The following LMCD1 variants were observed in gnomAD, a reference collection of about 807,000 sequenced individuals.
LMCD1 encodes LIM and cysteine-rich domains protein 1.
LMCD1 carries 32 observed loss-of-function variants against 42.7 expected under a neutral mutation model. The ratio of observed to expected loss-of-function variants is 0.75; its 90% CI spans 0.57 to 1.01. LMCD1 has a LOEUF of 1.01. Ranked by LOEUF, LMCD1 falls within the 50% of genes least tolerant of loss-of-function variation. The pLI is 0.00. For missense variants in LMCD1, 458 were observed against 483.1 expected (o/e 0.95, Z 0.49); for synonymous variants, 178 against 184.9 (o/e 0.96, Z 0.30).
At chr3:8,522,492 C>G (rs1694225223) in intron 1 of LMCD1, among the ~76,000 whole-genome samples, 2 of 152,302 alleles carry the variant, frequency 1.3e-5, no homozygotes, top group African/African-American at 4.8e-5. Flanking sequence ...ACTTCAGGGA[C>G]AGCTGCTGTG....
chr3:8,544,954 G>A (rs142685577), intron 3 of LMCD1, among the ~76,000 whole-genome samples: 18 of 152,190 alleles, frequency 1.2e-4, no homozygotes, highest in East Asian at 3.9e-4. Context: ...TAATCTCCCC[G>A]TCCCTGGGAC....
chr3:8,563,567 A>T (rs1695077918), intron 4 of LMCD1, among the ~76,000 whole-genome samples: 1 of 152,234 alleles, frequency 6.6e-6, no homozygotes. Flanking sequence ...ATAGGTATTT[A>T]AAAAATAATG....
intron 3 of LMCD1, 187 bp downstream of exon 3, chr3:8,537,627 G>C (rs143497137): frequency 1.7e-6 from 1 of 599,316 alleles, no homozygotes; most frequent in African/African-American, 1.9e-5. Context: ...TCTGGGCCTC[G>C]GTTTTCCTTA....
intron 1 of LMCD1, among the ~76,000 whole-genome samples, chr3:8,517,237 G>A (rs1159811962): frequency 2.0e-5 from 3 of 152,118 alleles, no homozygotes; most frequent in Admixed American, 6.6e-5. Context: ...CTGACCTCAT[G>A]TACATACACT....
chr3:8,536,643 C>T (rs1694512271), intron 2 of LMCD1, among the ~76,000 whole-genome samples: 1 of 152,166 alleles, frequency 6.6e-6, no homozygotes, highest in Non-Finnish European at 1.5e-5. Context: ...TTTAATAATT[C>T]TTTAGAGCAG....
chr3:8,542,131 G>A (rs1694639674), intron 3 of LMCD1, among the ~76,000 whole-genome samples: 1 of 151,546 alleles, frequency 6.6e-6, no homozygotes, highest in Non-Finnish European at 1.5e-5. Flanking sequence ...ATTAGCTGGG[G>A]CTATAGGCAC....
At chr3:8,533,201 C>T (rs1016710026) in intron 2 of LMCD1, among the ~76,000 whole-genome samples, 5 of 152,098 alleles carry the variant, frequency 3.3e-5, no homozygotes, top group Admixed American at 6.5e-5. Context: ...GCACCAACTT[C>T]GCTGTGGATG....
chr3:8,574,165 C>G lies in LMCD1; in HGVS notation c.*6567C>G, dbSNP rs1414854007. On this transcript the variant is annotated 3_prime_UTR_variant, in exon 6 of 6. Coordinates refer to ENST00000157600, the MANE Select transcript of LMCD1 (RefSeq NM_014583.4). ...AGCCAGTGAGCCCATGAAAAAGGAG[C>G]TTCTCTTTCTGGAGCTTCCCAGGGG... The G allele has an allele frequency of 6.6e-6, 1 of 152,336 alleles. No individual in the cohort carries two copies. Among genetic ancestry groups the G allele is most frequent in the African/African-American group, 2.4e-5 (1 of 41,460 alleles). The allele number at this position is 152,336 out of a possible 1,614,324, so 9.4% of individuals were successfully genotyped here.
intron 1 of LMCD1, among the ~76,000 whole-genome samples, chr3:8,509,126 A>G (rs990169383): frequency 6.6e-6 from 1 of 152,224 alleles, no homozygotes; most frequent in African/African-American, 2.4e-5. Context: ...GCCTGGATAC[A>G]TAATATACCC....
rs367965989 is a variant in LMCD1 at position 8,502,717 on chromosome 3, C to T, written c.42+737C>T. On this transcript the variant is annotated intron_variant, in intron 1 of 5. Transcript: ENST00000157600. ...GTTTCCCTTACAAGAAGGGCTGGCC[C>T]GGAGCCCAGAAGGTCATGGGTAAAC... is the stretch of plus-strand genomic sequence containing the variant. Among the ~76,000 whole-genome samples, 7 of 151,920 alleles carry T rather than the reference C, an allele frequency of 4.6e-5. 1 individual carries two copies. Among genetic ancestry groups the T allele is most frequent in the Admixed American group, 2.0e-4 (3 of 15,242 alleles).
chr3:8,537,183 A>C lies in LMCD1; in HGVS notation c.132-2A>C. On this transcript the variant is annotated splice_acceptor_variant, in intron 2 of 5. Transcript: ENST00000157600. LOFTEE classifies it high-confidence loss of function. ...CACTGGTCCCCATCCACCCACCCCC[A>C]GGAAAATATGCAAGTCTTGCAAATG... The C allele has an allele frequency of 1.2e-6, 2 of 1,612,560 alleles. No homozygotes were observed. The highest frequency in any genetic ancestry group is 1.7e-6 in the Non-Finnish European group (2 of 1,178,702).
chr3:8,520,239 C>A lies in LMCD1; in HGVS notation c.43-12498C>A, dbSNP rs140133285. 2.0e-4 allele frequency among the ~76,000 whole-genome samples: 30 copies of A among 152,246 alleles called. No homozygotes were observed. The East Asian group carries it at 5.2e-3, about 26-fold the overall frequency. ...ACACATGCATGCACAAACACACACA[C>A]ACACCAAATGACATTCCTACAGGAT... On this transcript the variant is annotated intron_variant, in intron 1 of 5. Coordinates refer to ENST00000157600, the MANE Select transcript of LMCD1 (RefSeq NM_014583.4).
intron 4 of LMCD1, chr3:8,550,460 G>A: frequency 1.0e-6 from 1 of 985,938 alleles, no homozygotes. Flanking sequence ...GAGAGGGCCG[G>A]ACTCTTTCTC....
chr3:8,555,125 C>G (rs927670320), intron 4 of LMCD1, among the ~76,000 whole-genome samples: 1 of 152,058 alleles, frequency 6.6e-6, no homozygotes, highest in Non-Finnish European at 1.5e-5. Flanking sequence ...CAGTCTGACC[C>G]CTCTGCCCCA....
intron 2 of LMCD1, among the ~76,000 whole-genome samples, chr3:8,536,600 T>C (rs556260240): frequency 1.3e-5 from 2 of 152,360 alleles, no homozygotes; most frequent in Non-Finnish European, 2.9e-5. Flanking sequence ...TAAAAGTTGC[T>C]GAAGCTCCGA....
intron 3 of LMCD1, among the ~76,000 whole-genome samples, chr3:8,538,506 C>G (rs1694553943): frequency 6.6e-6 from 1 of 152,182 alleles, no homozygotes. Flanking sequence ...CTCCATGGCT[C>G]CCATCACTGT....
chr3:8,522,726 A>G (rs1359256457), intron 1 of LMCD1, among the ~76,000 whole-genome samples: 1 of 152,220 alleles, frequency 6.6e-6, no homozygotes, highest in Non-Finnish European at 1.5e-5. Context: ...CCCCAAACCT[A>G]AATTCTCCCT....
chr3:8,564,214 TTC>T (rs1469307632), intron 4 of LMCD1, among the ~76,000 whole-genome samples: 1 of 152,104 alleles, frequency 6.6e-6, no homozygotes, highest in Non-Finnish European at 1.5e-5. Flanking sequence ...TATATAGAAA[TTC>T]TCTGTGCTGT....
rs1695231021 is a variant in LMCD1, at chr3:8,572,286, C to T, written c.*4688C>T. On this transcript the variant is annotated 3_prime_UTR_variant, in exon 6 of 6. Coordinates refer to ENST00000157600, the MANE Select transcript of LMCD1 (RefSeq NM_014583.4). ...GATGTTGTTTTCTTTCTGTTGCATC[C>T]AATCAGATGATACAGGATTTTGATT... 1.3e-5 allele frequency: 2 copies of T among 152,158 alleles called. No individual in the cohort carries two copies. Among genetic ancestry groups the T allele is most frequent in the Admixed American group, 1.3e-4 (2 of 15,278 alleles). 9.4% of individuals were successfully genotyped at this position (152,158 alleles called of 1,614,324 possible).
Sources: allele counts gnomAD v4.1 joint callset (sites outside exome capture counted in the v4.1 genomes callset), GRCh38; gene constraint gnomAD v4.1.1; transcripts MANE v1.5; gene names NCBI Gene and HGNC (gene_info 2026-07-23, HGNC 2026-07-21).